TSEN54: variants seen among roughly 807,000 people sequenced by gnomAD.
TSEN54 encodes tRNA-splicing endonuclease subunit Sen54.
A neutral mutation model predicts 61.9 loss-of-function variants in TSEN54; 55 were observed. The observed-to-expected ratio is 0.89, with a 90% CI of 0.72 to 1.11. TSEN54 has a LOEUF of 1.11. Among genes scored for constraint, TSEN54 ranks in the 50% most tolerant of loss-of-function variants. The pLI, the probability that TSEN54 is intolerant of heterozygous loss-of-function variation, is 0.00. For missense variants in TSEN54, 760 were observed against 687.7 expected (o/e 1.11, Z -1.18); for synonymous variants, 304 against 288.7 (o/e 1.05, Z -0.54).
intron 6 of TSEN54, among the ~76,000 whole-genome samples, chr17:75,520,113 A>G (rs1029094067): frequency 6.6e-5 from 10 of 152,216 alleles, no homozygotes; most frequent in African/African-American, 2.4e-4. Context: ...GAGTTGAACA[A>G]GAGGCAGGCT....
chr17:75,521,389 C>T lies in TSEN54; in HGVS notation c.522-20C>T. ...CTGAGGAGGTGGGTCAGTGGCCCAC[C>T]CGCTGTTCTCACCCCACAGCTCTGT... On this transcript the variant is annotated intron_variant, in intron 6 of 10. Transcript: ENST00000333213. The T allele has an allele frequency of 6.2e-7, 1 of 1,607,458 alleles. No individual in the cohort carries two copies. Among genetic ancestry groups the T allele is most frequent in the Non-Finnish European group, 8.5e-7 (1 of 1,174,162 alleles).
chr17:75,522,371 G>T, intron 8 of TSEN54, 38 bp downstream of exon 8: 1 of 1,540,712 alleles, frequency 6.5e-7, no homozygotes. Flanking sequence ...AGGGCCACTG[G>T]CAGCTGAGGA....
intron 5 of TSEN54, 81 bp downstream of exon 5, chr17:75,517,736 C>A: frequency 1.7e-6 from 2 of 1,205,310 alleles, no homozygotes; most frequent in Non-Finnish European, 2.4e-6. Flanking sequence ...AGGTGCCAGG[C>A]ACAGTGTCAC....
In TSEN54 at chr17:75,517,087, C is replaced by G. The variant is rs770232849; in HGVS notation, c.285+15C>G. 3.2e-6 allele frequency: 5 copies of G among 1,581,760 alleles called. No individual in the cohort carries two copies. Among genetic ancestry groups the G allele is most frequent in the Non-Finnish European group, 4.3e-6 (5 of 1,166,200 alleles). On this transcript the variant is annotated intron_variant, in intron 3 of 10. Coordinates refer to ENST00000333213, the MANE Select transcript of TSEN54 (RefSeq NM_207346.3). Reference sequence around the variant, plus strand: ...AGTCTCCCGCGGTGAGCGGCGGGCTCGGGGACCGGGGACCGCCCTCCCTGC... The same window carrying G: ...AGTCTCCCGCGGTGAGCGGCGGGCTGGGGGACCGGGGACCGCCCTCCCTGC...
rs1459070573 is a variant in TSEN54 at position 75,516,588 on chromosome 17, G to C, written c.28G>C (p.Val10Leu). MEPEPEPAAVEVPAGRVLSA... is the reference protein window; with the variant it reads MEPEPEPAALEVPAGRVLSA... ...GGAGCCCGAGCCCGAGCCCGCGGCC[G>C]TGGAGGTTCCCGCGGGGCGCGTGCT... is the stretch of plus-strand genomic sequence containing the variant. Residue 10 changes from valine to leucine, a missense_variant, in exon 1 of 11, where the codon GTG becomes CTG. Transcript: ENST00000333213. 8.6e-7 allele frequency: 1 copy of C among 1,163,110 alleles called. No individual in the cohort carries two copies. The highest frequency in any genetic ancestry group is 4.0e-5 in the East Asian group (1 of 24,716). The allele number at this position is 1,163,110 out of a possible 1,614,324, so 72.0% of individuals were successfully genotyped here.
intron 5 of TSEN54, chr17:75,518,516 G>A: frequency 1.0e-6 from 1 of 985,200 alleles, no homozygotes; most frequent in Non-Finnish European, 1.2e-6. Context: ...GCAGGATGGG[G>A]GACATTCTTA....
In TSEN54 at chr17:75,524,609, C is replaced by T. The variant is rs994591270; in HGVS notation, c.*197C>T. On this transcript the variant is annotated 3_prime_UTR_variant, in exon 11 of 11. Transcript: ENST00000333213. The stretch of plus-strand genomic sequence containing the variant: ...CTTCCCTGCTGCCTTGCAGTGACCC[C>T]TCTGGAACTCAGGACTCGATTTTAA... 6 of 729,976 alleles carry T rather than the reference C, an allele frequency of 8.2e-6. No individual in the cohort carries two copies. The highest frequency in any genetic ancestry group is 1.4e-5 in the Non-Finnish European group (6 of 416,404). The allele number at this position is 729,976 out of a possible 1,614,324, so 45.2% of individuals were successfully genotyped here. A position where few individuals can be genotyped will look rare whatever the true frequency, so the allele number is the denominator to read the frequency against.
In TSEN54 at chr17:75,521,349, C is replaced by T. The variant is rs1049225797; in HGVS notation, c.522-60C>T. 9.8e-6 allele frequency: 14 copies of T among 1,426,006 alleles called. No homozygotes were observed. The African/African-American group carries it at 2.0e-4, about 20-fold the overall frequency. 88.3% of individuals were successfully genotyped at this position (1,426,006 alleles called of 1,614,324 possible). On this transcript the variant is annotated intron_variant, in intron 6 of 10. Coordinates refer to ENST00000333213, the MANE Select transcript of TSEN54 (RefSeq NM_207346.3). ...TCTTGGCCCGTTTCCTTACACATCC[C>T]ACCAGATCCCCAGGCTGAGGAGGTG...
intron 6 of TSEN54, among the ~76,000 whole-genome samples, chr17:75,520,508 C>A (rs1389200708): frequency 6.7e-6 from 1 of 149,058 alleles, no homozygotes; most frequent in African/African-American, 2.5e-5. Flanking sequence ...ATTGCTTGAA[C>A]CTGGGCAGCT....
chr17:75,520,946 CTG>C (rs977746531), intron 6 of TSEN54, among the ~76,000 whole-genome samples: 2 of 141,988 alleles, frequency 1.4e-5, no homozygotes, highest in African/African-American at 5.3e-5. Context: ...GAGAACGAGA[CTG>C]TGTCTCAAAA....
At chr17:75,518,851 G>A in intron 5 of TSEN54, 144 bp from the exon 6 acceptor site, 1 of 1,549,402 alleles carries the variant, frequency 6.5e-7, no homozygotes, top group Non-Finnish European at 8.7e-7. Flanking sequence ...AATGAAGCAT[G>A]GTCCAACCTT....
chr17:75,522,588 A>G (rs2053440629), intron 8 of TSEN54: 7 of 1,376,130 alleles, frequency 5.1e-6, no homozygotes, highest in Non-Finnish European at 4.7e-6. Flanking sequence ...AACAACATGC[A>G]TGTGGATGGC....
chr17:75,521,596 T>A, intron 7 of TSEN54, 86 bp downstream of exon 7: 2 of 1,573,802 alleles, frequency 1.3e-6, no homozygotes, highest in Non-Finnish European at 1.7e-6. Context: ...AACCAGCAGC[T>A]CCCATGCAGG....
chr17:75,516,681 C>T (rs935613508), intron 1 of TSEN54, 65 bp downstream of exon 1: 36 of 1,296,332 alleles, frequency 2.8e-5, no homozygotes, highest in African/African-American at 3.1e-5. Flanking sequence ...GGGAAACCGG[C>T]GCCCGGGACC....
chr17:75,523,333 C>G lies in TSEN54; in HGVS notation c.1311C>G (p.Ala437=), dbSNP rs1441472060. The change falls in exon 9 of 11, where the codon GCC becomes GCG. Residue 437 remains alanine, a splice_region_variant and synonymous_variant. Transcript: ENST00000333213. ...LQTTHLPDGG[A]RLLEKSGGLE... is the part of the protein sequence containing the mutation. ...CAACACACCTTCCTGATGGAGGTGC[C>G]CGGTAAGTTTCCAAGCAGTGCCGTC... 1.2e-6 allele frequency: 2 copies of G among 1,613,900 alleles called. No homozygotes were observed. The highest frequency in any genetic ancestry group is 2.7e-5 in the African/African-American group (2 of 74,870).
intron 6 of TSEN54, among the ~76,000 whole-genome samples, chr17:75,521,190 TG>T (rs2053423475): frequency 6.6e-6 from 1 of 152,274 alleles, no homozygotes; most frequent in Non-Finnish European, 1.5e-5. Flanking sequence ...TTACCAAGTT[TG>T]CTAGCTCCTC....
intron 6 of TSEN54, 56 bp downstream of exon 6, chr17:75,519,103 T>A: frequency 1.9e-6 from 3 of 1,595,884 alleles, no homozygotes; most frequent in East Asian, 2.2e-5. Context: ...CCTGGCTGAC[T>A]AGTCTAAGGT....
intron 7 of TSEN54, 86 bp downstream of exon 7, chr17:75,521,596 T>C (rs2053427609): frequency 5.1e-6 from 8 of 1,573,802 alleles, no homozygotes; most frequent in Admixed American, 1.7e-5. Context: ...AACCAGCAGC[T>C]CCCATGCAGG....
chr17:75,517,339 G>A (rs2053383234), intron 4 of TSEN54, 95 bp downstream of exon 4: 4 of 1,441,772 alleles, frequency 2.8e-6, no homozygotes, highest in Non-Finnish European at 3.8e-6. Context: ...CCGGTCTTTA[G>A]AGAACTGATA....
Sources: allele counts gnomAD v4.1 joint callset (sites outside exome capture counted in the v4.1 genomes callset), GRCh38; gene constraint gnomAD v4.1.1; transcripts MANE v1.5; gene names NCBI Gene and HGNC (gene_info 2026-07-23, HGNC 2026-07-21).